The following PTPRR variants were observed in gnomAD, a reference collection of about 807,000 sequenced individuals.
PTPRR encodes receptor-type tyrosine-protein phosphatase R.
A neutral mutation model predicts 77.2 loss-of-function variants in PTPRR; 38 were observed. The ratio of observed to expected loss-of-function variants is 0.49; its 90% confidence interval spans 0.38 to 0.65. The LOEUF (loss-of-function observed/expected upper bound fraction) is 0.65. Ranked by LOEUF, PTPRR falls within the 30% of genes least tolerant of loss-of-function variation. The pLI is 0.00. For synonymous variants in PTPRR, 299 were observed against 283.1 expected (o/e 1.06, Z -0.57); for missense variants, 744 against 799.2 (o/e 0.93, Z 0.83).
intron 1 of PTPRR, among the ~76,000 whole-genome samples, chr12:70,893,433 C>T (rs140713601): frequency 9.9e-5 from 15 of 151,958 alleles, no homozygotes; most frequent in East Asian, 5.8e-4. Context: ...GTTTTCTTCA[C>T]GCTTACAGAG....
chr12:70,666,804 C>A (rs1336733603), intron 10 of PTPRR, among the ~76,000 whole-genome samples: 2 of 151,908 alleles, frequency 1.3e-5, no homozygotes, highest in Non-Finnish European at 2.9e-5. Context: ...CATCTTCAGA[C>A]CAACACTCAT....
chr12:70,811,104 A>C (rs1592770253), intron 2 of PTPRR, among the ~76,000 whole-genome samples: 1 of 152,174 alleles, frequency 6.6e-6, no homozygotes, highest in African/African-American at 2.4e-5. Flanking sequence ...AAAACACAAG[A>C]TAAAAAAAAG....
At chr12:70,701,472 T>C (rs1324628875) in intron 6 of PTPRR, 149 bp from the exon 7 acceptor site, 3 of 653,902 alleles carry the variant, frequency 4.6e-6, no homozygotes, top group Non-Finnish European at 7.5e-6. Flanking sequence ...TGGTTGGCCA[T>C]AGCAACTACC....
intron 2 of PTPRR, among the ~76,000 whole-genome samples, chr12:70,881,274 G>A (rs1223897343): frequency 1.3e-5 from 2 of 152,182 alleles, no homozygotes; most frequent in Non-Finnish European, 2.9e-5. Flanking sequence ...AGCAATAGGA[G>A]CATGAAATAA....
At chr12:70,684,080 T>C (rs758167932) in intron 10 of PTPRR, 47 bp downstream of exon 10, 257 of 1,587,012 alleles carry the variant, frequency 1.6e-4, no homozygotes, top group Non-Finnish European at 2.2e-4. Context: ...ATCTCTTCTA[T>C]AGCAACAGAA....
chr12:70,766,264 G>GA (rs1289001099), intron 2 of PTPRR, among the ~76,000 whole-genome samples: 2 of 152,068 alleles, frequency 1.3e-5, no homozygotes, highest in African/African-American at 2.4e-5. Context: ...TGAAAACTTT[G>GA]AAAAAAATTT....
At chr12:70,908,765 C>T (rs1893660483) in intron 1 of PTPRR, among the ~76,000 whole-genome samples, 1 of 152,174 alleles carries the variant, frequency 6.6e-6, no homozygotes, top group Admixed American at 6.5e-5. Flanking sequence ...ACTTGGTAGA[C>T]CCTTTCAACA....
intron 10 of PTPRR, among the ~76,000 whole-genome samples, chr12:70,668,318 C>CTGTT (rs1367778677): frequency 6.6e-6 from 1 of 152,092 alleles, no homozygotes; most frequent in Non-Finnish European, 1.5e-5. Context: ...TGGGAGTCAG[C>CTGTT]TGTTTGGCTT....
intron 7 of PTPRR, among the ~76,000 whole-genome samples, chr12:70,699,656 T>C (rs1368339443): frequency 6.6e-6 from 1 of 152,202 alleles, no homozygotes; most frequent in Non-Finnish European, 1.5e-5. Context: ...ACCTGCATTA[T>C]GCTAGCTATC....
At chr12:70,876,195 A>G (rs939357448) in intron 2 of PTPRR, among the ~76,000 whole-genome samples, 2 of 145,822 alleles carry the variant, frequency 1.4e-5, no homozygotes, top group African/African-American at 5.6e-5. Context: ...TGGAAAAGGA[A>G]GTCAATGGAA....
rs769263760 is a variant in PTPRR at position 70,746,015 on chromosome 12, G to A, written c.810C>T (p.His270=). The change falls in exon 6 of 14, where the codon CAC becomes CAT. Residue 270 remains histidine, a synonymous_variant. Transcript: ENST00000283228. ...CTGGCTGTAATGTGATGGGCGATAG[G>A]TGGATCTCCTGGTTTTTCTCTTTGT... The part of the protein sequence containing the change: ...RQDKEKNQEI[H]LSPITLQPAL... 8.1e-6 allele frequency: 13 copies of A among 1,613,698 alleles called. No individual in the cohort carries two copies. The highest frequency in any genetic ancestry group is 1.1e-5 in the Non-Finnish European group (13 of 1,179,794).
chr12:70,690,405 T>C (rs1423492143), intron 8 of PTPRR, among the ~76,000 whole-genome samples: 1 of 152,164 alleles, frequency 6.6e-6, no homozygotes, highest in African/African-American at 2.4e-5. Flanking sequence ...GAAGTCAAAT[T>C]CAGGGTTTCT....
rs554591859 is a variant in PTPRR at position 70,698,433 on chromosome 12, C to T, written c.1195-84G>A. On this transcript the variant is annotated intron_variant, in intron 7 of 13. Coordinates refer to ENST00000283228, the MANE Select transcript of PTPRR (RefSeq NM_002849.4). ...ACAGGGGGGCATCTGATCCAGAGTT[C>T]TATTGGACTTCAAAGCCACTTAAAA... 1.8e-5 allele frequency: 21 copies of T among 1,188,812 alleles called. No individual in the cohort carries two copies. In the African/African-American group the frequency reaches 3.2e-4, roughly 18 times the overall value. 73.6% of individuals were successfully genotyped at this position (1,188,812 alleles called of 1,614,324 possible). A position where few individuals can be genotyped will look rare whatever the true frequency, so the allele number is the denominator to read the frequency against.
chr12:70,859,605 T>C (rs1693178157), intron 2 of PTPRR, among the ~76,000 whole-genome samples: 1 of 151,924 alleles, frequency 6.6e-6, no homozygotes, highest in South Asian at 2.1e-4. Context: ...GGAAAGGAAA[T>C]ATACAGATCT....
At chr12:70,890,103 C>A (rs1398628856) in intron 2 of PTPRR, among the ~76,000 whole-genome samples, 1 of 152,144 alleles carries the variant, frequency 6.6e-6, no homozygotes, top group East Asian at 1.9e-4. Context: ...GATCCAGTGA[C>A]AAGAGCTATG....
At chr12:70,782,852 T>A (rs1891233813) in intron 2 of PTPRR, among the ~76,000 whole-genome samples, 1 of 151,922 alleles carries the variant, frequency 6.6e-6, no homozygotes, top group Admixed American at 6.6e-5. Flanking sequence ...AATAAACAAA[T>A]AAAAAACTAC....
At chr12:70,765,665 T>C (rs1455407168) in intron 2 of PTPRR, among the ~76,000 whole-genome samples, 2 of 152,176 alleles carry the variant, frequency 1.3e-5, no homozygotes, top group Non-Finnish European at 2.9e-5. Context: ...GCAGTGGTTC[T>C]CCCAGCATGC....
At chr12:70,800,651 G>A (rs1049226820) in intron 2 of PTPRR, among the ~76,000 whole-genome samples, 12 of 151,976 alleles carry the variant, frequency 7.9e-5, no homozygotes, top group African/African-American at 2.9e-4. Context: ...TCCCAGCACT[G>A]TGGGAGGCGG....
intron 2 of PTPRR, among the ~76,000 whole-genome samples, chr12:70,841,155 T>G (rs527717208): frequency 5.3e-5 from 8 of 152,020 alleles, no homozygotes; most frequent in Middle Eastern, 3.4e-3. Context: ...ATACTACTAT[T>G]AGAGGCATTA....
Sources: allele counts gnomAD v4.1 joint callset (sites outside exome capture counted in the v4.1 genomes callset), GRCh38; gene constraint gnomAD v4.1.1; transcripts MANE v1.5; gene names NCBI Gene and HGNC (gene_info 2026-07-23, HGNC 2026-07-21).